DQX1: variants seen among roughly 807,000 people sequenced by gnomAD.
DQX1 encodes the protein ATP-dependent RNA helicase homolog DQX1.
In DQX1, 66 loss-of-function variants were observed where a neutral mutation model predicts 81.3. That is an observed-to-expected ratio of 0.81 (90% CI 0.67 to 1.00). The LOEUF is 1.00. DQX1 is among the 50% of genes least tolerant of loss of function. The pLI is 0.00. For missense variants in DQX1, 798 were observed against 867.9 expected, an observed-to-expected ratio of 0.92 and a Z score of 1.01; for synonymous variants, 290 against 350.0, an observed-to-expected ratio of 0.83 and a Z score of 1.91.
Position 74,524,028 on chromosome 2 carries a change from C to G in DQX1, c.711G>C (p.Trp237Cys). The G allele has an allele frequency of 6.2e-7, 1 of 1,614,124 alleles. No individual in the cohort carries two copies. Among genetic ancestry groups the G allele is most frequent in the East Asian group, 2.2e-5 (1 of 44,882 alleles). The change falls in exon 4 of 12, where the codon TGG (tryptophan) becomes TGC (cysteine). Residue 237 changes from tryptophan to cysteine, a missense_variant. Trp to Cys is a radical substitution (Grantham distance 215). Transcript: ENST00000404568. ...EPGERPSPIYWDTIPPDRVEA... is the reference protein window; with the variant it reads ...EPGERPSPIYCDTIPPDRVEA... ...CCACCCGATCAGGTGGGATGGTGTCCCAGTAGATGGGGGAAGGTCTCTCAC... is the reference window on the plus strand; with the variant it reads ...CCACCCGATCAGGTGGGATGGTGTCGCAGTAGATGGGGGAAGGTCTCTCAC...
In DQX1 at chr2:74,525,164, C is replaced by T; in HGVS notation, c.276G>A (p.Gly92=). 1 of 1,607,272 alleles carries T rather than the reference C, an allele frequency of 6.2e-7. No individual in the cohort carries two copies. Among genetic ancestry groups the T allele is most frequent in the Non-Finnish European group, 8.5e-7 (1 of 1,175,834 alleles). ...TAACAGTAACCTGTCCTTTCTGGAACCCTCTGGCCAGCGCAAACTCTGCAC... is the reference window on the plus strand; with the variant it reads ...TAACAGTAACCTGTCCTTTCTGGAATCCTCTGGCCAGCGCAAACTCTGCAC... ...QWCAEFALAR[G]FQKGQVTVTQ... is the part of the protein sequence containing the mutation. The change falls in exon 3 of 12, where the codon GGG becomes GGA. Residue 92 remains glycine (G), a synonymous_variant. Transcript: ENST00000404568. The surrounding 1 kb of genome is among the most constrained non-coding windows in gnomAD (Gnocchi z 4.1).
chr2:74,519,039 C>T lies in DQX1; in HGVS notation c.1997+1G>A, dbSNP rs146079510. 2.5e-6 allele frequency: 4 copies of T among 1,574,116 alleles called. No individual in the cohort carries two copies. Among genetic ancestry groups the T allele is most frequent in the Non-Finnish European group, 3.5e-6 (4 of 1,158,904 alleles). On this transcript the variant is annotated splice_donor_variant, in intron 11 of 11. Coordinates refer to ENST00000404568, the MANE Select transcript of DQX1 (RefSeq NM_133637.3). LOFTEE classifies it high-confidence loss of function. ...TATAGGAGGGATGTCAGGGAACTCA[C>T]ATCTGTGGTTGAATCTCAGAAACAA...
In DQX1 at chr2:74,519,984, G is replaced by T. The variant is rs143679936; in HGVS notation, c.1546C>A (p.Arg516Ser). The change falls in exon 9 of 12, where the codon CGT becomes AGT. Residue 516 changes from arginine to serine, a missense_variant. Physicochemically the swap from Arg to Ser is moderately radical, Grantham distance 110. Transcript: ENST00000404568. ...CCATCCGTGTGTTCCAGGGCCCGAC[G>T]CAGGGCAGCTTCTTCTGCACTGAGT... is the stretch of plus-strand genomic sequence containing the variant. ...PPLSAEEAALRRALEHTDGDH... is the reference protein window; with the variant it reads ...PPLSAEEAALSRALEHTDGDH... The T allele has an allele frequency of 8.1e-6, 13 of 1,614,058 alleles. No homozygotes were observed. Among genetic ancestry groups the T allele is most frequent in the Admixed American group, 3.3e-5 (2 of 60,004 alleles).
Position 74,522,863 on chromosome 2 carries a change from G to A in DQX1, c.1296C>T (p.Asp432=), listed in dbSNP as rs1456991315. 1 of 1,613,858 alleles carries A rather than the reference G, an allele frequency of 6.2e-7. No homozygotes were observed. Among genetic ancestry groups the A allele is most frequent in the South Asian group, 1.1e-5 (1 of 91,072 alleles). ...GGCAGGAGAGGTGCTCACCAGGCTG[G>A]TCCAGGAAGTGACACTCCCCTGGCT... is the stretch of plus-strand genomic sequence containing the variant. ...IAEPGECHFL[D]QPAPEALMQA... Residue 432 remains aspartate (D), a synonymous_variant, in exon 7 of 12, where the codon GAC becomes GAT. Transcript: ENST00000404568.
chr2:74,525,233 G>A lies in DQX1; in HGVS notation c.238-31C>T, dbSNP rs556382745. 3 of 1,496,908 alleles carry A rather than the reference G, an allele frequency of 2.0e-6. No individual in the cohort carries two copies. The highest frequency in any genetic ancestry group is 2.3e-5 in the Admixed American group (1 of 43,854). 92.7% of individuals were successfully genotyped at this position (1,496,908 alleles called of 1,614,324 possible). A position where few individuals can be genotyped will look rare whatever the true frequency, so the allele number is the denominator to read the frequency against. On this transcript the variant is annotated intron_variant, in intron 2 of 11. Transcript: ENST00000404568. This position sits in a 1 kb window ranked among gnomAD's most constrained non-coding sequence, Gnocchi z 4.1. ...ATAGAAGTAGGGAAGGAGAGCCAGTGAGGAAGATGTAGGACTTCAGTCAGA... is the reference window on the plus strand; with the variant it reads ...ATAGAAGTAGGGAAGGAGAGCCAGTAAGGAAGATGTAGGACTTCAGTCAGA...
At chr2:74,523,625 C>A in intron 4 of DQX1, 88 bp from the exon 5 acceptor site, 2 of 1,278,606 alleles carry the variant, frequency 1.6e-6, no homozygotes, top group South Asian at 2.7e-5. Context: ...AAAGTTATGG[C>A]CCTTCACTCT....
chr2:74,518,465 T>A lies in DQX1; in HGVS notation c.2135A>T (p.Asp712Val), dbSNP rs1345097768. Reference protein sequence around the residue: ...SKSSSAQEFRDPCVLQ With the variant: ...SKSSSAQEFRVPCVLQ ...GGCAGGTCACTGCAGGACACAGGGA[T>A]CTCTGAACTCCTGGGCTGAGGATGA... The change falls in exon 12 of 12, where the codon GAT becomes GTT. Residue 712 changes from aspartate to valine, a missense_variant. Coordinates refer to ENST00000404568, the MANE Select transcript of DQX1 (RefSeq NM_133637.3). 1 of 1,614,170 alleles carries A rather than the reference T, an allele frequency of 6.2e-7. No individual in the cohort carries two copies. Among genetic ancestry groups the A allele is most frequent in the African/African-American group, 1.3e-5 (1 of 75,058 alleles).
At chr2:74,520,156 T>C (rs1057219523) in intron 8 of DQX1, 122 bp from the exon 9 acceptor site, 1 of 1,302,990 alleles carries the variant, frequency 7.7e-7, no homozygotes, top group African/African-American at 1.5e-5. Context: ...AAGACATAGA[T>C]AACTTCTAGG....
chr2:74,518,489 G>A lies in DQX1; in HGVS notation c.2111C>T (p.Ser704Leu), dbSNP rs761544458. The change falls in exon 12 of 12, where the codon TCA (serine) becomes TTA (leucine). Residue 704 changes from serine (S) to leucine (L), a missense_variant. Transcript: ENST00000404568. ...GMADSTAGSK[S>L]SSAQEFRDPC... Reference sequence around the variant, plus strand: ...ATCTCTGAACTCCTGGGCTGAGGATGATTTGCTCCCTGCTGTAGAATCTGC... The same window carrying A: ...ATCTCTGAACTCCTGGGCTGAGGATAATTTGCTCCCTGCTGTAGAATCTGC... 6.2e-7 allele frequency: 1 copy of A among 1,614,222 alleles called. No individual in the cohort carries two copies. The highest frequency in any genetic ancestry group is 8.5e-7 in the Non-Finnish European group (1 of 1,180,046).
chr2:74,522,510 G>A, intron 8 of DQX1, 70 bp downstream of exon 8: 1 of 1,544,704 alleles, frequency 6.5e-7, no homozygotes, highest in South Asian at 1.3e-5. Context: ...CTAGCCTCAG[G>A]AGCACCAAAA....
chr2:74,525,853 G>A lies in DQX1; in HGVS notation c.-19-105C>T. ...CTACCTTCAGTTGATCATGCTCTGG[G>A]GCCCACCCTTCCCAGCATTTCCTGC... On this transcript the variant is annotated intron_variant, in intron 1 of 11. Coordinates refer to ENST00000404568, the MANE Select transcript of DQX1 (RefSeq NM_133637.3). This position sits in a 1 kb window ranked among gnomAD's most constrained non-coding sequence, Gnocchi z 4.1. 2 of 772,584 alleles carry A rather than the reference G, an allele frequency of 2.6e-6. No individual in the cohort carries two copies. Among genetic ancestry groups the A allele is most frequent in the South Asian group, 1.8e-5 (1 of 54,210 alleles). The allele number at this position is 772,584 out of a possible 1,614,324, so 47.9% of individuals were successfully genotyped here. A position where few individuals can be genotyped will look rare whatever the true frequency, so the allele number is the denominator to read the frequency against.
chr2:74,524,114 C>A lies in DQX1; in HGVS notation c.625G>T (p.Glu209Ter). 1 of 1,614,168 alleles carries A rather than the reference C, an allele frequency of 6.2e-7. No individual in the cohort carries two copies. The highest frequency in any genetic ancestry group is 1.6e-4 in the Middle Eastern group (1 of 6,062). The change falls in exon 4 of 12, where the codon GAA becomes TAA. Residue 209 changes from glutamate (E) to a stop codon, truncating the protein, a stop_gained. Transcript: ENST00000404568. LOFTEE classifies it high-confidence loss of function. The stretch of plus-strand genomic sequence containing the variant: ...CCCCAGAAAGCTCGGAGCTTAGGTT[C>A]AAGGGCTGGGTCAGTAACCACAACC... ...RVVVVTDPAL[E>*]PKLRAFWGNP... is the part of the protein sequence containing the mutation.
Position 74,524,244 on chromosome 2 carries a change from GC to G in DQX1, c.494del (p.Gly165AlafsTer5), listed in dbSNP as rs781315599. ...CCTGAGCCTCATCTAGTACCAGCACGCCCCAGGCTCCAGTGCCTCGGGTCGA... is the reference window on the plus strand; with the variant it reads ...CCTGAGCCTCATCTAGTACCAGCACGCCCAGGCTCCAGTGCCTCGGGTCGA... The part of the protein sequence containing the change: ...VASTRGTGAW[G>X]VLVLDEAQER... On this transcript the variant is annotated frameshift_variant, in exon 4 of 12. Transcript: ENST00000404568. LOFTEE classifies it high-confidence loss of function. 1.2e-6 allele frequency: 2 copies of G among 1,614,018 alleles called. No homozygotes were observed. Among genetic ancestry groups the G allele is most frequent in the South Asian group, 2.2e-5 (2 of 91,072 alleles).
At chr2:74,521,521 G>A (rs1675021470) in intron 8 of DQX1, among the ~76,000 whole-genome samples, 1 of 151,932 alleles carries the variant, frequency 6.6e-6, no homozygotes, top group African/African-American at 2.4e-5. Flanking sequence ...ATGGTGGTGC[G>A]TGCCTGTAGT....
rs34084523 is a variant in DQX1 at position 74,524,265 on chromosome 2, G to C, written c.474C>G (p.Thr158=). The C allele has an allele frequency of 4.1e-3, 6,583 of 1,613,836 alleles. 37 individuals carry two copies. The highest frequency in any genetic ancestry group is 4.2e-3 in the South Asian group (382 of 91,080). The change falls in exon 4 of 12, where the codon ACC becomes ACG. Residue 158 remains threonine (T), a synonymous_variant. Coordinates refer to ENST00000404568, the MANE Select transcript of DQX1 (RefSeq NM_133637.3). The part of the protein sequence containing the change: ...DRLLLQEVAS[T]RGTGAWGVLV... ...GCACGCCCCAGGCTCCAGTGCCTCG[G>C]GTCGAGGCCACCTCCTGCAGAAGCA...
rs747203993 is a variant in DQX1 at position 74,522,700 on chromosome 2, A to T, written c.1375T>A (p.Ser459Thr). 2 of 1,614,214 alleles carry T rather than the reference A, an allele frequency of 1.2e-6. No homozygotes were observed. Among genetic ancestry groups the T allele is most frequent in the Admixed American group, 3.3e-5 (2 of 60,020 alleles). Reference sequence around the variant, plus strand: ...TCTGATAGTATGACACCCAGATCTGACAGGTCCCCATCATCATCCAGGGCT... The same window carrying T: ...TCTGATAGTATGACACCCAGATCTGTCAGGTCCCCATCATCATCCAGGGCT... ...LAALDDDGDL[S>T]DLGVILSEFP... The change falls in exon 8 of 12, where the codon TCA becomes ACA. Residue 459 changes from serine (S) to threonine (T), a missense_variant. By Grantham distance (58) the Ser-to-Thr change is moderately conservative. Transcript: ENST00000404568.
rs769254694 is a variant in DQX1 at position 74,519,065 on chromosome 2, T to C, written c.1972A>G (p.Ile658Val). The C allele has an allele frequency of 9.4e-6, 15 of 1,594,428 alleles. No homozygotes were observed. The highest frequency in any genetic ancestry group is 3.4e-5 in the South Asian group (3 of 88,350). The change falls in exon 11 of 12, where the codon ATT (isoleucine) becomes GTT (valine). Residue 658 changes from isoleucine (I) to valine (V), a missense_variant. Transcript: ENST00000404568. ...ATCTGTGGTTGAATCTCAGAAACAA[T>C]GGAAAGGCAGTTGTCTTTGGATATG... ...FTISKDNCLSIVSEIQPQMLV... is the reference protein window; with the variant it reads ...FTISKDNCLSVVSEIQPQMLV...
chr2:74,524,951 G>A, intron 3 of DQX1, 58 bp downstream of exon 3: 1 of 1,550,622 alleles, frequency 6.4e-7, no homozygotes, highest in Non-Finnish European at 8.7e-7. Flanking sequence ...AGAGGAATGG[G>A]TTTGTTTCTA....
intron 11 of DQX1, 111 bp downstream of exon 11, chr2:74,518,929 A>G: frequency 1.8e-6 from 2 of 1,141,686 alleles, no homozygotes; most frequent in Non-Finnish European, 1.2e-6. Context: ...TCCTCAGATC[A>G]TGTTTTTACT....
Sources: allele counts gnomAD v4.1 joint callset (sites outside exome capture counted in the v4.1 genomes callset), GRCh38; gene constraint gnomAD v4.1.1; non-coding constraint Gnocchi (gnomAD v3.1); transcripts MANE v1.5; gene names NCBI Gene and HGNC (gene_info 2026-07-23, HGNC 2026-07-21).